Variants in COL25A1 observed in about 807,000 individuals in gnomAD.
COL25A1 encodes collagen alpha-1(XXV) chain.
COL25A1 carries 103 observed loss-of-function variants against 128.4 expected under a neutral mutation model. The ratio of observed to expected loss-of-function variants is 0.80; its 90% CI spans 0.68 to 0.94. COL25A1 has a LOEUF of 0.94. Among genes scored for constraint, COL25A1 ranks in the 40% least tolerant of loss-of-function variants. The probability of loss-of-function intolerance (pLI) is 0.00; values close to 1 mark genes in which losing one functional copy is unlikely to be tolerated. For synonymous variants in COL25A1, 279 were observed against 277.2 expected (o/e 1.01, Z -0.06); for missense variants, 745 against 840.0 (o/e 0.89, Z 1.40).
chr4:108,835,088 T>C (rs1733626362), intron 31 of COL25A1, among the ~76,000 whole-genome samples: 1 of 152,176 alleles, frequency 6.6e-6, no homozygotes, highest in Non-Finnish European at 1.5e-5. Context: ...CTTCAAATAA[T>C]CTTTGCATCA....
rs138587612 is a variant in COL25A1 at position 109,211,870 on chromosome 4, T to C, written c.367+88713A>G. On this transcript the variant is annotated intron_variant, in intron 3 of 37. Transcript: ENST00000399132. ...CCATGTTGACCAATGTGTAATATTA[T>C]TTCACAATGCCTCGACCTGAAGAAT... 3.5e-4 allele frequency among the ~76,000 whole-genome samples: 54 copies of C among 152,232 alleles called. 1 individual carries two copies. Among genetic ancestry groups the C allele is most frequent in the African/African-American group, 1.3e-3 (52 of 41,564 alleles).
chr4:108,989,568 T>C (rs1753973402), intron 6 of COL25A1, among the ~76,000 whole-genome samples: 1 of 152,248 alleles, frequency 6.6e-6, no homozygotes, highest in African/African-American at 2.4e-5. Flanking sequence ...CTATGATCAA[T>C]TCTGCCTGAT....
intron 3 of COL25A1, among the ~76,000 whole-genome samples, chr4:109,175,208 T>C (rs1455045952): frequency 6.6e-6 from 1 of 152,208 alleles, no homozygotes; most frequent in East Asian, 1.9e-4. Context: ...TGGAAGGTTC[T>C]AGGGGCTTCT....
intron 3 of COL25A1, among the ~76,000 whole-genome samples, chr4:109,288,978 C>T (rs1329163132): frequency 6.6e-6 from 1 of 151,228 alleles, no homozygotes; most frequent in Non-Finnish European, 1.5e-5. Context: ...CACACACACA[C>T]ACACACACAC....
chr4:108,940,518 G>A, intron 10 of COL25A1, 21 bp downstream of exon 10: 1 of 1,591,006 alleles, frequency 6.3e-7, no homozygotes, highest in Non-Finnish European at 8.6e-7. Context: ...GTGAGAATAA[G>A]TGATCCAAAA....
intron 3 of COL25A1, among the ~76,000 whole-genome samples, chr4:109,255,732 TCA>T (rs1440513955): frequency 6.6e-6 from 1 of 152,176 alleles, no homozygotes; most frequent in Non-Finnish European, 1.5e-5. Flanking sequence ...TAAATTCCTC[TCA>T]TTAAAACGCT....
In COL25A1 at chr4:108,849,899, G is replaced by A. The variant is rs146504011; in HGVS notation, c.1390-1096C>T. 2.1e-3 allele frequency among the ~76,000 whole-genome samples: 321 copies of A among 152,318 alleles called. 2 individuals carry two copies. The highest frequency in any genetic ancestry group is 7.4e-3 in the African/African-American group (308 of 41,584). On this transcript the variant is annotated intron_variant, in intron 26 of 37. Transcript: ENST00000399132. The stretch of plus-strand genomic sequence containing the variant: ...GAAATTTGAGCTTTCCAGTGTTTAA[G>A]GAAGGCATGATCTTGTGGTTATAAA...
At chr4:109,125,447 T>A (rs1264880925) in intron 3 of COL25A1, among the ~76,000 whole-genome samples, 1 of 152,162 alleles carries the variant, frequency 6.6e-6, no homozygotes, top group African/African-American at 2.4e-5. Flanking sequence ...TATATTTTCA[T>A]GCTCACACTG....
Position 108,940,884 on chromosome 4 carries a change from C to T in COL25A1, c.565-238G>A, listed in dbSNP as rs532926783. Among the ~76,000 whole-genome samples the T allele has an allele frequency of 1.5e-4, 23 of 152,298 alleles. No individual in the cohort carries two copies. In the East Asian group the frequency reaches 4.1e-3, roughly 27 times the overall value. On this transcript the variant is annotated intron_variant, in intron 9 of 37. Coordinates refer to ENST00000399132, the MANE Select transcript of COL25A1 (RefSeq NM_198721.4). The stretch of plus-strand genomic sequence containing the variant: ...AAAGCAGTTCAGGAACCAGCACTTC[C>T]AGTTCTTGGAAATAGTGTGTATGTT...
At chr4:108,826,750 T>A (rs977506967) in intron 33 of COL25A1, among the ~76,000 whole-genome samples, 1 of 152,158 alleles carries the variant, frequency 6.6e-6, no homozygotes, top group African/African-American at 2.4e-5. Context: ...AAGAAGGCTG[T>A]TTTCAGTGAA....
chr4:109,166,199 G>C (rs1773055845), intron 3 of COL25A1, among the ~76,000 whole-genome samples: 1 of 152,004 alleles, frequency 6.6e-6, no homozygotes, highest in Non-Finnish European at 1.5e-5. Context: ...ATGAGCTAAA[G>C]GTATTCCATG....
At chr4:109,273,496 T>C (rs1782337185) in intron 3 of COL25A1, among the ~76,000 whole-genome samples, 1 of 152,200 alleles carries the variant, frequency 6.6e-6, no homozygotes, top group South Asian at 2.1e-4. Flanking sequence ...ATATAACCTT[T>C]ATATTTCTTG....
intron 32 of COL25A1, among the ~76,000 whole-genome samples, chr4:108,827,829 CT>C (rs1164855982): frequency 6.6e-6 from 1 of 152,054 alleles, no homozygotes; most frequent in East Asian, 1.9e-4. Context: ...CCTGAAATAC[CT>C]TTCCTTCTAT....
chr4:108,934,991 A>G (rs983447386), intron 11 of COL25A1, among the ~76,000 whole-genome samples: 1 of 152,218 alleles, frequency 6.6e-6, no homozygotes, highest in Non-Finnish European at 1.5e-5. Context: ...AGGCAGTCAG[A>G]GAGGGTATTA....
intron 13 of COL25A1, among the ~76,000 whole-genome samples, chr4:108,913,550 A>G (rs568570093): frequency 1.3e-5 from 2 of 152,060 alleles, no homozygotes; most frequent in African/African-American, 4.8e-5. Flanking sequence ...GAGACACCGC[A>G]CCCGACCTCC....
intron 6 of COL25A1, among the ~76,000 whole-genome samples, chr4:108,998,903 G>A (rs953547035): frequency 6.6e-6 from 1 of 152,154 alleles, no homozygotes; most frequent in Non-Finnish European, 1.5e-5. Flanking sequence ...GGGAAAACTG[G>A]CTAGCCATAT....
chr4:109,050,063 T>C, intron 4 of COL25A1, 72 bp downstream of exon 4: 6 of 1,236,154 alleles, frequency 4.9e-6, no homozygotes, highest in Non-Finnish European at 7.0e-6. Flanking sequence ...ATATTATCAT[T>C]AATTAGGAAG....
chr4:108,961,907 A>C (rs1484734674), intron 8 of COL25A1, among the ~76,000 whole-genome samples: 1 of 152,228 alleles, frequency 6.6e-6, no homozygotes, highest in African/African-American at 2.4e-5. Context: ...TTTGAAAACA[A>C]CTGAATGTAT....
chr4:109,260,508 T>G (rs1015250941), intron 3 of COL25A1, among the ~76,000 whole-genome samples: 17 of 152,202 alleles, frequency 1.1e-4, no homozygotes, highest in African/African-American at 3.9e-4. Context: ...TTGTTTGTTT[T>G]TTTTTGAGGC....
Sources: allele counts gnomAD v4.1 joint callset (sites outside exome capture counted in the v4.1 genomes callset), GRCh38; gene constraint gnomAD v4.1.1; transcripts MANE v1.5; gene names NCBI Gene and HGNC (gene_info 2026-07-23, HGNC 2026-07-21).